The following ABHD2 variants were observed in gnomAD, a reference collection of about 807,000 sequenced individuals.
The protein encoded by ABHD2 is abhydrolase domain containing 2, acylglycerol lipase, also known as monoacylglycerol lipase ABHD2.
ABHD2 carries 20 observed loss-of-function variants against 48.1 expected under a neutral mutation model. The ratio of observed to expected loss-of-function variants is 0.42; its 90% confidence interval spans 0.29 to 0.60. The LOEUF (loss-of-function observed/expected upper bound fraction) is 0.60, where lower values mean the gene tolerates loss of function less well. Among genes scored for constraint, ABHD2 ranks in the 20% least tolerant of loss-of-function variants. The pLI is 0.24. For synonymous variants in ABHD2, 209 were observed against 214.2 expected (o/e 0.98, Z 0.21); for missense variants, 405 against 550.9 (o/e 0.74, Z 2.65).
chr15:89,142,384 C>T (rs1329462892), intron 3 of ABHD2, among the ~76,000 whole-genome samples: 2 of 152,200 alleles, frequency 1.3e-5, no homozygotes, highest in Non-Finnish European at 2.9e-5. Context: ...GTACCTCAAA[C>T]ATCCTTGACT....
chr15:89,066,558 G>C, the ABHD2 span, among the ~76,000 whole-genome samples: 3 of 152,062 alleles, frequency 2.0e-5, no homozygotes, highest in Admixed American at 2.0e-4. Flanking sequence ...CATATATTTT[G>C]GGGGGACACA....
In ABHD2 at chr15:89,090,929, G is replaced by T. The variant is rs191525426; in HGVS notation, c.-107+2366G>T. On this transcript the variant is annotated intron_variant, in intron 1 of 10. Transcript: ENST00000352732. ...AAGTTACTTAGTCATTCGAATAGGG[G>T]GAGCACCAGCAGCGCCTGCCTGGCC... 2.7e-3 allele frequency among the ~76,000 whole-genome samples: 406 copies of T among 152,296 alleles called. 1 individual carries two copies. The highest frequency in any genetic ancestry group is 4.5e-3 in the Non-Finnish European group (304 of 68,022).
rs1194398284 is a variant in ABHD2, at chr15:89,189,375, C to A, written c.926+1072C>A. On this transcript the variant is annotated intron_variant, in intron 8 of 10. Transcript: ENST00000352732. The surrounding 1 kb of genome is among the most constrained non-coding windows in gnomAD (Gnocchi z 4.9). ...GGGCATAGTGGCACACACCTGTAGTCCCAGCTGCTTAGGAGGCTGAGACAG... is the reference window on the plus strand; with the variant it reads ...GGGCATAGTGGCACACACCTGTAGTACCAGCTGCTTAGGAGGCTGAGACAG... Among the ~76,000 whole-genome samples, 3 of 151,964 alleles carry A rather than the reference C, an allele frequency of 2.0e-5. No homozygotes were observed. In the East Asian group the frequency reaches 5.8e-4, roughly 29 times the overall value.
intron 3 of ABHD2, among the ~76,000 whole-genome samples, chr15:89,124,807 G>A (rs2050106243): frequency 6.6e-6 from 1 of 151,936 alleles, no homozygotes; most frequent in African/African-American, 2.4e-5. Context: ...CAAAAATTAG[G>A]GCTGGGCGCG....
chr15:89,143,560 G>C (rs1180898444), intron 3 of ABHD2, among the ~76,000 whole-genome samples: 1 of 152,116 alleles, frequency 6.6e-6, no homozygotes, highest in Non-Finnish European at 1.5e-5. Context: ...CCAGCTACAT[G>C]GGAGGCTTAG....
chr15:89,135,468 T>C, intron 3 of ABHD2: 1 of 766,486 alleles, frequency 1.3e-6, no homozygotes, highest in Non-Finnish European at 2.2e-6. Context: ...ATTTCAGTTT[T>C]TTTCTTTAAA....
chr15:89,069,352 TC>T, the ABHD2 span, among the ~76,000 whole-genome samples: 17 of 152,168 alleles, frequency 1.1e-4, no homozygotes, highest in African/African-American at 3.9e-4. Context: ...GGCCTCAAAC[TC>T]CTGGCCTCAA....
chr15:89,105,364 G>A (rs552719920), intron 1 of ABHD2, among the ~76,000 whole-genome samples: 15 of 152,282 alleles, frequency 9.9e-5, no homozygotes, highest in African/African-American at 3.6e-4. Flanking sequence ...TGAGGTTCAC[G>A]TTTTCCTGCA....
chr15:89,052,544 CAGACAGACAGACAG>C, the ABHD2 span, among the ~76,000 whole-genome samples: 15 of 143,732 alleles, frequency 1.0e-4, no homozygotes, highest in Non-Finnish European at 1.5e-4. Context: ...GACAGACAGA[CAGACAGACAGACAG>C]ACACACACAC....
chr15:89,108,637 G>T (rs2049824961), intron 1 of ABHD2, among the ~76,000 whole-genome samples: 1 of 152,236 alleles, frequency 6.6e-6, no homozygotes, highest in Non-Finnish European at 1.5e-5. Context: ...ACTGTAAGTT[G>T]TGTCCTGTCA....
intron 3 of ABHD2, among the ~76,000 whole-genome samples, chr15:89,118,084 A>G (rs761917315): frequency 2.6e-5 from 4 of 152,164 alleles, no homozygotes; most frequent in Non-Finnish European, 5.9e-5. Flanking sequence ...TCTTATATGC[A>G]GTGTTTGCAG....
Position 89,114,458 on chromosome 15 carries a change from G to A in ABHD2, c.-7+634G>A, listed in dbSNP as rs2049924118. On this transcript the variant is annotated intron_variant, in intron 2 of 10. Transcript: ENST00000352732. This position sits in a 1 kb window ranked among gnomAD's most constrained non-coding sequence, Gnocchi z 4.2. ...CCAGGAGTGAGGAGGAGTGTCACCAGAAGTTAAGTTTTTTTTGTTTTGTTT... is the reference window on the plus strand; with the variant it reads ...CCAGGAGTGAGGAGGAGTGTCACCAAAAGTTAAGTTTTTTTTGTTTTGTTT... Among the ~76,000 whole-genome samples, 1 of 152,056 alleles carries A rather than the reference G, an allele frequency of 6.6e-6. No individual in the cohort carries two copies. Among genetic ancestry groups the A allele is most frequent in the Admixed American group, 6.6e-5 (1 of 15,262 alleles).
Position 89,163,266 on chromosome 15 carries a change from G to A in ABHD2, c.538+7732G>A, listed in dbSNP as rs138798037. 2.7e-4 allele frequency among the ~76,000 whole-genome samples: 41 copies of A among 152,276 alleles called. No individual in the cohort carries two copies. The East Asian group carries it at 7.7e-3, about 29-fold the overall frequency. On this transcript the variant is annotated intron_variant, in intron 5 of 10. Transcript: ENST00000352732. Reference sequence around the variant, plus strand: ...CTCTGTTCCAAACCACATAAGCTTTGCTAATGTGATTAGAAATTGTTGAAA... The same window carrying A: ...CTCTGTTCCAAACCACATAAGCTTTACTAATGTGATTAGAAATTGTTGAAA...
chr15:89,109,794 C>T (rs1041824798), intron 1 of ABHD2, among the ~76,000 whole-genome samples: 3 of 152,180 alleles, frequency 2.0e-5, no homozygotes, highest in Admixed American at 1.3e-4. Context: ...TGTATATGCA[C>T]GTACATGCAC....
chr15:89,127,165 G>A (rs779425995), intron 3 of ABHD2, among the ~76,000 whole-genome samples: 10 of 152,086 alleles, frequency 6.6e-5, no homozygotes, highest in South Asian at 6.2e-4. Flanking sequence ...GTAGTATCAC[G>A]GTGAGCCATG....
intron 3 of ABHD2, among the ~76,000 whole-genome samples, chr15:89,141,505 C>T (rs1322443030): frequency 7.9e-5 from 12 of 152,118 alleles, no homozygotes; most frequent in African/African-American, 2.9e-4. Context: ...TGGTGGCGTG[C>T]GCCTGTAACC....
At chr15:89,105,712 C>T (rs293392) in intron 1 of ABHD2, among the ~76,000 whole-genome samples, 74,332 of 152,140 alleles carry the variant, frequency 0.49, 19,550 homozygotes, top group African/African-American at 0.67. Flanking sequence ...AACCCACTCC[C>T]GCCCTTTCAG....
At chr15:89,156,014 T>G (rs2050667036) in intron 5 of ABHD2, among the ~76,000 whole-genome samples, 1 of 152,208 alleles carries the variant, frequency 6.6e-6, no homozygotes, top group African/African-American at 2.4e-5. Flanking sequence ...ATCTCGTCTT[T>G]CGACGAATGC....
chr15:89,101,447 C>T (rs541618675), intron 1 of ABHD2, among the ~76,000 whole-genome samples: 11 of 152,300 alleles, frequency 7.2e-5, no homozygotes, highest in South Asian at 2.1e-4. Context: ...TGTACCTCTC[C>T]GCCCAATGTA....
Sources: gnomAD v4.1 joint callset for allele counts (sites outside exome capture counted in the v4.1 genomes callset) on GRCh38, gnomAD v4.1.1 for gene constraint, Gnocchi (gnomAD v3.1) non-coding constraint, MANE v1.5 for transcripts, NCBI Gene and HGNC (gene_info 2026-07-23, HGNC 2026-07-21) for gene names.